Variants in ANKS1B observed in about 807,000 individuals in gnomAD.
ANKS1B encodes the protein ankyrin repeat and sterile alpha motif domain containing 1B.
ANKS1B carries 36 observed loss-of-function variants against 148.3 expected under a neutral mutation model. The ratio of observed to expected loss-of-function variants is 0.24; its 90% confidence interval spans 0.19 to 0.32. The LOEUF (loss-of-function observed/expected upper bound fraction) is 0.32, where lower values mean the gene tolerates loss of function less well. Among genes scored for constraint, ANKS1B ranks in the 10% least tolerant of loss-of-function variants. The pLI is 1.00. For missense variants in ANKS1B, 1,157 were observed against 1,542.6 expected, an observed-to-expected ratio of 0.75 and a Z score of 4.19; for synonymous variants, 542 against 560.8, an observed-to-expected ratio of 0.97 and a Z score of 0.47.
chr12:99,915,090 T>G (rs1477422010), intron 1 of ANKS1B, among the ~76,000 whole-genome samples: 1 of 151,900 alleles, frequency 6.6e-6, no homozygotes, highest in Admixed American at 6.6e-5. Flanking sequence ...CTGGGCATGG[T>G]GATGCATGCC....
intron 8 of ANKS1B, among the ~76,000 whole-genome samples, chr12:99,711,472 T>C (rs904183948): frequency 1.3e-5 from 2 of 152,030 alleles, no homozygotes; most frequent in African/African-American, 2.4e-5. Flanking sequence ...CCAGTGTATG[T>C]TGTTTCCCTC....
chr12:99,860,987 A>G (rs1565879939), intron 1 of ANKS1B, among the ~76,000 whole-genome samples: 1 of 152,246 alleles, frequency 6.6e-6, no homozygotes, highest in African/African-American at 2.4e-5. Context: ...AAAGCTAATT[A>G]GAAGTATACT....
At chr12:98,782,258 G>A in intron 22 of ANKS1B, 121 bp from the exon 23 acceptor site, 2 of 843,392 alleles carry the variant, frequency 2.4e-6, no homozygotes, top group Non-Finnish European at 1.9e-6. Flanking sequence ...AAAAACAAAA[G>A]ATGCCACAAA....
intron 9 of ANKS1B, among the ~76,000 whole-genome samples, chr12:99,550,932 T>C (rs906384318): frequency 6.6e-6 from 1 of 152,328 alleles, no homozygotes; most frequent in East Asian, 1.9e-4. Flanking sequence ...TTCTTTTCTT[T>C]GATCATTAAT....
intron 1 of ANKS1B, among the ~76,000 whole-genome samples, chr12:99,860,650 T>C (rs2089906278): frequency 6.6e-6 from 1 of 152,174 alleles, no homozygotes; most frequent in African/African-American, 2.4e-5. Flanking sequence ...ACTCCATACA[T>C]TGTTAAAGAC....
At chr12:99,954,778 A>G (rs2095288959) in intron 1 of ANKS1B, among the ~76,000 whole-genome samples, 1 of 152,152 alleles carries the variant, frequency 6.6e-6, no homozygotes. Context: ...CAATCCTACA[A>G]TGCAAAGGAA....
chr12:99,472,577 T>C (rs1372872419), intron 10 of ANKS1B, among the ~76,000 whole-genome samples: 1 of 152,110 alleles, frequency 6.6e-6, no homozygotes, highest in Non-Finnish European at 1.5e-5. Context: ...TTTTAACTAA[T>C]ACATAGAGTT....
At chr12:98,937,775 C>A (rs980616788) in intron 17 of ANKS1B, among the ~76,000 whole-genome samples, 2 of 151,988 alleles carry the variant, frequency 1.3e-5, no homozygotes, top group Admixed American at 6.6e-5. Context: ...TGAAACTGGG[C>A]AATTTATGAA....
intron 17 of ANKS1B, among the ~76,000 whole-genome samples, chr12:99,031,324 G>T (rs996897277): frequency 6.6e-6 from 1 of 152,210 alleles, no homozygotes; most frequent in Non-Finnish European, 1.5e-5. Context: ...TTGATAAATA[G>T]TATTAAAGAC....
intron 12 of ANKS1B, among the ~76,000 whole-genome samples, chr12:99,331,696 A>G (rs1238438875): frequency 1.3e-5 from 2 of 152,038 alleles, no homozygotes; most frequent in Non-Finnish European, 2.9e-5. Context: ...GTTAAAATGA[A>G]GGCAAAACAA....
chr12:99,608,919 C>T (rs895023159), intron 9 of ANKS1B, among the ~76,000 whole-genome samples: 4 of 151,832 alleles, frequency 2.6e-5, no homozygotes, highest in African/African-American at 7.3e-5. Context: ...GGAAGATAGA[C>T]GGTGGCACAA....
At chr12:99,113,822 T>C (rs2060783172) in intron 15 of ANKS1B, among the ~76,000 whole-genome samples, 1 of 152,198 alleles carries the variant, frequency 6.6e-6, no homozygotes, top group African/African-American at 2.4e-5. Context: ...TAGGAGTGTA[T>C]AACTCTTCTG....
intron 8 of ANKS1B, among the ~76,000 whole-genome samples, chr12:99,713,580 AAT>A (rs1240721776): frequency 6.6e-6 from 1 of 152,164 alleles, no homozygotes; most frequent in Non-Finnish European, 1.5e-5. Context: ...TGCAGAACAA[AAT>A]TCTGCTGAGT....
intron 17 of ANKS1B, among the ~76,000 whole-genome samples, chr12:98,994,698 C>G (rs1272410250): frequency 6.6e-6 from 1 of 152,084 alleles, no homozygotes; most frequent in African/African-American, 2.4e-5. Flanking sequence ...GCTTCTAAAG[C>G]CTCTCTCCTT....
intron 12 of ANKS1B, among the ~76,000 whole-genome samples, chr12:99,377,461 T>C (rs949981401): frequency 2.0e-5 from 3 of 152,124 alleles, no homozygotes; most frequent in Non-Finnish European, 4.4e-5. Flanking sequence ...GGAACATCAG[T>C]AAGATTTCCA....
At chr12:99,978,243 T>C (rs532639814) in intron 1 of ANKS1B, among the ~76,000 whole-genome samples, 1 of 152,350 alleles carries the variant, frequency 6.6e-6, no homozygotes, top group Admixed American at 6.5e-5. Flanking sequence ...CTGTAAGAAA[T>C]CGAGTCACAC....
chr12:99,197,099 C>T (rs1310983887), intron 14 of ANKS1B, among the ~76,000 whole-genome samples: 1 of 152,024 alleles, frequency 6.6e-6, no homozygotes, highest in Non-Finnish European at 1.5e-5. Flanking sequence ...AGAATGTGGG[C>T]CTGGGTCATA....
At chr12:98,765,889 C>T (rs1479950143) in intron 25 of ANKS1B, among the ~76,000 whole-genome samples, 1 of 152,212 alleles carries the variant, frequency 6.6e-6, no homozygotes, top group African/African-American at 2.4e-5. Flanking sequence ...GCCATCGTGC[C>T]TGGCCCATGG....
chr12:98,932,436 T>C (rs1343144376), intron 17 of ANKS1B, among the ~76,000 whole-genome samples: 1 of 152,158 alleles, frequency 6.6e-6, no homozygotes, highest in Non-Finnish European at 1.5e-5. Flanking sequence ...GCAAAACAAG[T>C]TTTGTGTTTG....
Sources: allele counts gnomAD v4.1 joint callset (sites outside exome capture counted in the v4.1 genomes callset), GRCh38; gene constraint gnomAD v4.1.1; transcripts MANE v1.5; gene names NCBI Gene and HGNC (gene_info 2026-07-23, HGNC 2026-07-21).